The following AOX1 variants were observed in gnomAD, a reference collection of about 807,000 sequenced individuals.
AOX1 encodes the protein aldehyde oxidase 1, also known as aldehyde oxidase.
In AOX1, 153 loss-of-function variants were observed where a neutral mutation model predicts 169.5. That is an observed-to-expected ratio of 0.90 (90% CI 0.79 to 1.03). The LOEUF is 1.03. AOX1 is among the 50% of genes least tolerant of loss of function. The pLI, the probability that AOX1 is intolerant of heterozygous loss-of-function variation, is 0.00. For synonymous variants in AOX1, 562 were observed against 581.9 expected (o/e 0.97, Z 0.49); for missense variants, 1,656 against 1,663.9 (o/e 1.00, Z 0.08).
intron 20 of AOX1, among the ~76,000 whole-genome samples, chr2:200,629,700 G>A (rs377708079): frequency 1.2e-4 from 18 of 152,312 alleles, no homozygotes; most frequent in African/African-American, 2.4e-4. Flanking sequence ...ATCATAGAGC[G>A]TTCCCGGCAT....
intron 33 of AOX1, 90 bp from the exon 34 acceptor site, chr2:200,669,485 A>G (rs1049867180): frequency 7.1e-7 from 1 of 1,402,482 alleles, no homozygotes; most frequent in Non-Finnish European, 9.8e-7. Flanking sequence ...AGTACGTAAT[A>G]TTTTTATATA....
chr2:200,669,809 G>A, intron 34 of AOX1, 67 bp downstream of exon 34: 1 of 1,560,754 alleles, frequency 6.4e-7, no homozygotes, highest in Non-Finnish European at 8.7e-7. Flanking sequence ...CTGTTCTTGT[G>A]GTAAGTTTTC....
In AOX1 at chr2:200,661,717, C is replaced by T. The variant is rs190969255; in HGVS notation, c.3428+86C>T. On this transcript the variant is annotated intron_variant, in intron 30 of 34. Coordinates refer to ENST00000374700, the MANE Select transcript of AOX1 (RefSeq NM_001159.4). ...TCAGTTCCCTTGCAATTTTGGCAAA[C>T]GTTGACTTTCTACCTTCTATTTACC... The T allele has an allele frequency of 9.3e-4, 936 of 1,002,130 alleles. 12 individuals are homozygous for T. Among genetic ancestry groups the T allele is most frequent in the Non-Finnish European group, 1.3e-4 (80 of 639,920 alleles). The allele number at this position is 1,002,130 out of a possible 1,614,324, so 62.1% of individuals were successfully genotyped here. A position where few individuals can be genotyped will look rare whatever the true frequency, so the allele number is the denominator to read the frequency against.
At chr2:200,636,190 G>A (rs1278726785) in intron 21 of AOX1, among the ~76,000 whole-genome samples, 4 of 136,786 alleles carry the variant, frequency 2.9e-5, no homozygotes, top group African/African-American at 1.1e-4. Flanking sequence ...GTGCAGTGGT[G>A]CCGTCTCAGC....
At chr2:200,587,984 G>T (rs2034073771) in intron 1 of AOX1, among the ~76,000 whole-genome samples, 2 of 152,210 alleles carry the variant, frequency 1.3e-5, no homozygotes, top group South Asian at 4.1e-4. Context: ...GCAGAGCACA[G>T]AAATAACAAG....
At chr2:200,604,401 A>G (rs886887134) in intron 8 of AOX1, among the ~76,000 whole-genome samples, 2 of 152,232 alleles carry the variant, frequency 1.3e-5, no homozygotes, top group African/African-American at 4.8e-5. Context: ...TTATTCCTCC[A>G]TAGAATGATT....
In AOX1 at chr2:200,642,719, G is replaced by T; in HGVS notation, c.2765G>T (p.Gly922Val). The change falls in exon 25 of 35, where the codon GGG becomes GTG. Residue 922 changes from glycine (G) to valine (V), a missense_variant. Transcript: ENST00000374700. Reference sequence around the variant, plus strand: ...CTTCCATCCAACACAGCTTTTCGTGGGTTTGGCTTTCCTCAGGCAGCGCTG... The same window carrying T: ...CTTCCATCCAACACAGCTTTTCGTGTGTTTGGCTTTCCTCAGGCAGCGCTG... ...TNLPSNTAFR[G>V]FGFPQAALIT... 1 of 1,614,138 alleles carries T rather than the reference G, an allele frequency of 6.2e-7. No individual in the cohort carries two copies.
At chr2:200,603,165 G>C in intron 6 of AOX1, 102 bp from the exon 7 acceptor site, 1 of 886,582 alleles carries the variant, frequency 1.1e-6, no homozygotes, top group Non-Finnish European at 1.8e-6. Flanking sequence ...GGCATCTAAC[G>C]ATATTGATTC....
In AOX1 at chr2:200,621,237, G is replaced by T; in HGVS notation, c.1992G>T (p.Ala664=). ...TTACTGAAGCTGAGAAATTTCTGGC[G>T]ACAGATAAGGTACTGCATTTTTGCT... is the stretch of plus-strand genomic sequence containing the variant. ...CFFTEAEKFL[A]TDKVFCVGQL... Residue 664 remains alanine (A), a synonymous_variant, in exon 18 of 35, where the codon GCG becomes GCT. Transcript: ENST00000374700. 1 of 1,613,768 alleles carries T rather than the reference G, an allele frequency of 6.2e-7. No homozygotes were observed. Among genetic ancestry groups the T allele is most frequent in the South Asian group, 1.1e-5 (1 of 90,978 alleles).
chr2:200,674,857 T>C (rs1012088294), downstream of AOX1, among the ~76,000 whole-genome samples: 5 of 152,202 alleles, frequency 3.3e-5, no homozygotes, highest in Admixed American at 6.5e-5. Flanking sequence ...TGATTCACTT[T>C]AACGTTTTCT....
At chr2:200,615,839 A>G (rs1417821843) in intron 15 of AOX1, 132 bp from the exon 16 acceptor site, 4 of 644,414 alleles carry the variant, frequency 6.2e-6, no homozygotes. Context: ...GGGGTTCTGA[A>G]TAGGGTGAGT....
chr2:200,669,119 G>T (rs1037521618), intron 33 of AOX1, among the ~76,000 whole-genome samples: 1 of 152,044 alleles, frequency 6.6e-6, no homozygotes, highest in African/African-American at 2.4e-5. Flanking sequence ...GGGAATATTG[G>T]ATCAAAAGAT....
At chr2:200,675,697 C>G (rs1375528542), downstream of AOX1, among the ~76,000 whole-genome samples, 1 of 152,012 alleles carries the variant, frequency 6.6e-6, no homozygotes, top group East Asian at 1.9e-4. Context: ...CAATAGATGA[C>G]TAATAATTTA....
Position 200,641,142 on chromosome 2 carries a change from G to T in AOX1, c.2613G>T (p.Glu871Asp). The change falls in exon 24 of 35, where the codon GAG becomes GAT. Residue 871 changes from glutamate to aspartate, a missense_variant. Transcript: ENST00000374700. ...NDGRILALDM[E>D]HYSNAGASLD... ...GCAGAATCTTGGCCCTGGACATGGA[G>T]CATTACAGCAATGCAGGCGCCTCCT... 1 of 1,613,530 alleles carries T rather than the reference G, an allele frequency of 6.2e-7. No individual in the cohort carries two copies. The highest frequency in any genetic ancestry group is 8.5e-7 in the Non-Finnish European group (1 of 1,179,544).
chr2:200,670,422 T>C (rs2036004491), intron 34 of AOX1, among the ~76,000 whole-genome samples: 1 of 152,166 alleles, frequency 6.6e-6, no homozygotes, highest in Non-Finnish European at 1.5e-5. Context: ...CACTTTTCAC[T>C]GGGTGGTCTT....
At position 200,636,117 on chromosome 2, in the gene AOX1, C is replaced by CTTTTTTT. The variant is rs765127387; in HGVS notation, c.2347-771_2347-765dup. Among the ~76,000 whole-genome samples, 337 of 53,974 alleles carry CTTTTTTT rather than the reference C, an allele frequency of 6.2e-3. 72 individuals carry two copies. The highest frequency in any genetic ancestry group is 9.9e-3 in the Non-Finnish European group (299 of 30,278). 35.4% of individuals were successfully genotyped at this position (53,974 alleles called of 152,430 possible). The stretch of plus-strand genomic sequence containing the variant: ...CAATCCAAGCAAGAAGTGAGAAGTG[C>CTTTTTTT]TTTTTTTTTTTTTTTTTTTTTTTTT... On this transcript the variant is annotated intron_variant, in intron 21 of 34. Coordinates refer to ENST00000374700, the MANE Select transcript of AOX1 (RefSeq NM_001159.4).
chr2:200,666,609 G>A, intron 31 of AOX1, 78 bp from the exon 32 acceptor site: 2 of 1,011,156 alleles, frequency 2.0e-6, no homozygotes, highest in Middle Eastern at 2.9e-4. Context: ...AAGTCAGCCT[G>A]GCAGGAAGTG....
At chr2:200,589,491 C>A (rs979939349) in intron 1 of AOX1, among the ~76,000 whole-genome samples, 1 of 152,170 alleles carries the variant, frequency 6.6e-6, no homozygotes, top group Admixed American at 6.5e-5. Flanking sequence ...CTTGGCGGGT[C>A]TGGGGCCTCG....
At chr2:200,621,676 T>TTCTC (rs71405337) in intron 18 of AOX1, among the ~76,000 whole-genome samples, 86,876 of 149,026 alleles carry the variant, frequency 0.58, 25,327 homozygotes, top group Middle Eastern at 0.63. Context: ...AGTTCATTCA[T>TTCTC]TCTCTCTCTC....
Sources: gnomAD v4.1 joint callset for allele counts (sites outside exome capture counted in the v4.1 genomes callset) on GRCh38, gnomAD v4.1.1 for gene constraint, MANE v1.5 for transcripts, NCBI Gene and HGNC (gene_info 2026-07-23, HGNC 2026-07-21) for gene names.